NPSR1: variants seen among roughly 807,000 people sequenced by gnomAD.
NPSR1 encodes the protein neuropeptide S receptor.
Under a neutral mutation model 46.9 loss-of-function variants are expected in NPSR1, and 48 were observed. The ratio of observed to expected loss-of-function variants is 1.02; its 90% CI spans 0.81 to 1.30. NPSR1 has a LOEUF of 1.30. Among genes scored for constraint, NPSR1 ranks in the 50% most tolerant of loss-of-function variants. The probability of loss-of-function intolerance (pLI) is 0.00; values close to 1 mark genes in which losing one functional copy is unlikely to be tolerated. For missense variants in NPSR1, 450 were observed against 449.5 expected (o/e 1.00, Z -0.01); for synonymous variants, 176 against 168.1 (o/e 1.05, Z -0.36).
chr7:34,819,361 A>G (rs528079894), intron 4 of NPSR1, among the ~76,000 whole-genome samples: 7 of 152,330 alleles, frequency 4.6e-5, no homozygotes, highest in South Asian at 2.1e-4. Flanking sequence ...CAAAACCACA[A>G]TGAAAAACCA....
downstream of NPSR1, among the ~76,000 whole-genome samples, chr7:34,850,442 C>T (rs370118690): frequency 1.9e-4 from 29 of 149,992 alleles, no homozygotes; most frequent in African/African-American, 6.9e-4. Flanking sequence ...GCTCTGTCGC[C>T]CAGGCTGGAG....
In NPSR1 at chr7:34,721,157, A is replaced by T. The variant is rs142543895; in HGVS notation, c.280+36473A>T. 5.9e-5 allele frequency among the ~76,000 whole-genome samples: 9 copies of T among 152,358 alleles called. No homozygotes were observed. In the East Asian group the frequency reaches 1.7e-3, roughly 29 times the overall value. On this transcript the variant is annotated intron_variant, in intron 2 of 8. Coordinates refer to ENST00000360581, the MANE Select transcript of NPSR1 (RefSeq NM_207172.2). ...TAAGAAAGAACAAGAATGATCAAGG[A>T]GCAATGCTTGAGGCAATAATGATCA...
intron 2 of NPSR1, among the ~76,000 whole-genome samples, chr7:34,730,817 A>G (rs1196025098): frequency 2.0e-5 from 3 of 152,170 alleles, no homozygotes; most frequent in African/African-American, 7.2e-5. Context: ...TGTTAACTCC[A>G]TGGAGGCAGG....
intron 3 of NPSR1, among the ~76,000 whole-genome samples, chr7:34,811,458 G>A (rs1246308235): frequency 6.6e-6 from 1 of 151,984 alleles, no homozygotes; most frequent in Non-Finnish European, 1.5e-5. Flanking sequence ...GGTTTATATG[G>A]GTACAGGATA....
intron 8 of NPSR1, among the ~76,000 whole-genome samples, chr7:34,874,134 A>G (rs1476660813): frequency 6.7e-6 from 1 of 148,788 alleles, no homozygotes. Context: ...ACCCCAGCCC[A>G]GTGCTCTTGG....
intron 2 of NPSR1, among the ~76,000 whole-genome samples, chr7:34,760,877 A>G (rs1314243017): frequency 6.6e-6 from 1 of 152,202 alleles, no homozygotes; most frequent in Non-Finnish European, 1.5e-5. Context: ...AGTGATTCTT[A>G]GACCTCTAAG....
At chr7:34,683,127 G>T (rs1203907447) in intron 1 of NPSR1, among the ~76,000 whole-genome samples, 2 of 143,240 alleles carry the variant, frequency 1.4e-5, no homozygotes, top group African/African-American at 5.7e-5. Flanking sequence ...TAAAGTGTAG[G>T]ACTCATGAAG....
intron 2 of NPSR1, among the ~76,000 whole-genome samples, chr7:34,696,965 T>A (rs1156404949): frequency 6.6e-6 from 1 of 151,984 alleles, no homozygotes; most frequent in Non-Finnish European, 1.5e-5. Context: ...TGATGTATTT[T>A]ATGCTTCAGG....
At chr7:34,863,520 A>C (rs1791237789) in intron 8 of NPSR1, among the ~76,000 whole-genome samples, 2 of 151,894 alleles carry the variant, frequency 1.3e-5, no homozygotes, top group Admixed American at 6.5e-5. Flanking sequence ...CAAAGAACTT[A>C]AACAAACTTA....
At chr7:34,753,797 T>C (rs1583951144) in intron 2 of NPSR1, 1 of 149,778 alleles carries the variant, frequency 6.7e-6, no homozygotes, top group East Asian at 2.0e-4. Context: ...AAGCCAGGAG[T>C]CCAAGACCAG....
At chr7:34,828,359 G>A (rs1789957158) in intron 5 of NPSR1, among the ~76,000 whole-genome samples, 1 of 152,170 alleles carries the variant, frequency 6.6e-6, no homozygotes, top group Admixed American at 6.5e-5. Context: ...AATGACCTTG[G>A]CAAAAAAGTC....
chr7:34,663,065 C>CTGTGTGTGTG (rs1486944625), intron 1 of NPSR1, among the ~76,000 whole-genome samples: 2 of 90,586 alleles, frequency 2.2e-5, no homozygotes, highest in Admixed American at 9.4e-5. Context: ...CTCTCTCTCT[C>CTGTGTGTGTG]TCTGTGTGTG....
At chr7:34,798,425 C>G (rs962333846) in intron 3 of NPSR1, among the ~76,000 whole-genome samples, 1 of 152,068 alleles carries the variant, frequency 6.6e-6, no homozygotes, top group African/African-American at 2.4e-5. Flanking sequence ...ATCCCAGCTA[C>G]TCGGGAGGCT....
At chr7:34,688,175 A>C (rs900547204) in intron 2 of NPSR1, among the ~76,000 whole-genome samples, 2 of 152,232 alleles carry the variant, frequency 1.3e-5, no homozygotes, top group Non-Finnish European at 2.9e-5. Context: ...CTACCTCTGC[A>C]TGCACACAAA....
intron 6 of NPSR1, among the ~76,000 whole-genome samples, chr7:34,835,313 T>C (rs937648394): frequency 7.2e-5 from 11 of 152,082 alleles, no homozygotes; most frequent in African/African-American, 2.7e-4. Flanking sequence ...TCACACACAC[T>C]AACAATGCAT....
chr7:34,726,294 TA>T (rs1784147732), intron 2 of NPSR1, among the ~76,000 whole-genome samples: 1 of 152,114 alleles, frequency 6.6e-6, no homozygotes, highest in Non-Finnish European at 1.5e-5. Context: ...GAATGCAAAT[TA>T]AAGCAACAAT....
At chr7:34,746,885 G>A (rs1785228933) in intron 2 of NPSR1, among the ~76,000 whole-genome samples, 1 of 152,132 alleles carries the variant, frequency 6.6e-6, no homozygotes, top group East Asian at 1.9e-4. Flanking sequence ...CCAGCACTTT[G>A]GGAGGCCGAG....
chr7:34,803,581 G>T (rs918441344), intron 3 of NPSR1, among the ~76,000 whole-genome samples: 3 of 151,924 alleles, frequency 2.0e-5, no homozygotes, highest in Non-Finnish European at 2.9e-5. Flanking sequence ...GTGGGAGGAG[G>T]GGGGAGGGAT....
Position 34,658,555 on chromosome 7 carries a change from T to C in NPSR1, c.143T>C (p.Phe48Ser). ...GKEWGSFYYSFKTEQLITLWV... is the reference protein window; with the variant it reads ...GKEWGSFYYSSKTEQLITLWV... The stretch of plus-strand genomic sequence containing the variant: ...GAATGGGGTTCCTTCTACTACTCCT[T>C]TAAGGTAAGTTTCTTGCCTGCGACT... Residue 48 changes from phenylalanine to serine, a missense_variant, in exon 1 of 9, where the codon TTT becomes TCT. Phe to Ser is a radical substitution (Grantham distance 155, BLOSUM62 -2). Transcript: ENST00000360581. 1.9e-6 allele frequency: 3 copies of C among 1,613,990 alleles called. No homozygotes were observed. The highest frequency in any genetic ancestry group is 2.5e-6 in the Non-Finnish European group (3 of 1,179,890).
Sources: gnomAD v4.1 joint callset for allele counts (sites outside exome capture counted in the v4.1 genomes callset) on GRCh38, gnomAD v4.1.1 for gene constraint, MANE v1.5 for transcripts, NCBI Gene and HGNC (gene_info 2026-07-23, HGNC 2026-07-21) for gene names.